CNTNAP4: variants seen among roughly 807,000 people sequenced by gnomAD.
The protein encoded by CNTNAP4 is contactin-associated protein-like 4.
Under a neutral mutation model 148.4 loss-of-function variants are expected in CNTNAP4, and 98 were observed. The ratio of observed to expected loss-of-function variants is 0.66; its 90% CI spans 0.56 to 0.78. CNTNAP4 has a LOEUF of 0.78. CNTNAP4 is among the 30% of genes least tolerant of loss of function. The probability of loss-of-function intolerance (pLI) is 0.00; values close to 1 mark genes in which losing one functional copy is unlikely to be tolerated. For synonymous variants in CNTNAP4, 730 were observed against 565.1 expected (o/e 1.29, Z -4.14); for missense variants, 1,935 against 1,565.6 (o/e 1.24, Z -3.98).
At chr16:76,454,336 G>A (rs1320291444) in intron 8 of CNTNAP4, among the ~76,000 whole-genome samples, 1 of 151,988 alleles carries the variant, frequency 6.6e-6, no homozygotes, top group Admixed American at 6.6e-5. Flanking sequence ...GCTGAAGCCA[G>A]TCCATTTCTA....
chr16:76,367,448 A>AT (rs2014277924), intron 3 of CNTNAP4, among the ~76,000 whole-genome samples: 1 of 152,190 alleles, frequency 6.6e-6, no homozygotes, highest in African/African-American at 2.4e-5. Flanking sequence ...GGCTGCATAA[A>AT]AATATAACAT....
intron 4 of CNTNAP4, among the ~76,000 whole-genome samples, chr16:76,438,006 GA>G (rs1458464514): frequency 6.6e-6 from 1 of 152,094 alleles, no homozygotes; most frequent in Non-Finnish European, 1.5e-5. Flanking sequence ...TTAATAAAAT[GA>G]AAGAAACTGG....
intron 3 of CNTNAP4, among the ~76,000 whole-genome samples, chr16:76,424,301 A>C (rs1280392333): frequency 1.3e-5 from 2 of 152,136 alleles, no homozygotes; most frequent in Non-Finnish European, 2.9e-5. Flanking sequence ...TTTGGAGGGT[A>C]ATTTAATTAA....
At chr16:76,460,773 A>AAAAAAAAAAAAAAT in intron 8 of CNTNAP4, among the ~76,000 whole-genome samples, 2 of 57,328 alleles carry the variant, frequency 3.5e-5, no homozygotes, top group African/African-American at 6.4e-5. Context: ...AAAAAAAAAA[A>AAAAAAAAAAAAAAT]ATATATATAT....
intron 2 of CNTNAP4, among the ~76,000 whole-genome samples, chr16:76,337,758 A>C (rs1964141535): frequency 6.6e-6 from 1 of 152,300 alleles, no homozygotes; most frequent in African/African-American, 2.4e-5. Context: ...AGACACTCCC[A>C]GAGCAGCCGT....
In CNTNAP4 at chr16:76,534,445, T is replaced by C. The variant is rs77831427; in HGVS notation, c.2756-1100T>C. On this transcript the variant is annotated intron_variant, in intron 17 of 23. Transcript: ENST00000611870. Reference sequence around the variant, plus strand: ...TCATTTATCCAAAGATGGAGCTTCTTTTTAGAGGCCTCATAACCATCTAAT... The same window carrying C: ...TCATTTATCCAAAGATGGAGCTTCTCTTTAGAGGCCTCATAACCATCTAAT... Among the ~76,000 whole-genome samples, 23 of 152,298 alleles carry C rather than the reference T, an allele frequency of 1.5e-4. No individual in the cohort carries two copies. The East Asian group carries it at 3.3e-3, about 22-fold the overall frequency.
At chr16:76,394,517 C>G (rs2078131777) in intron 3 of CNTNAP4, among the ~76,000 whole-genome samples, 1 of 152,096 alleles carries the variant, frequency 6.6e-6, no homozygotes, top group Non-Finnish European at 1.5e-5. Context: ...AAAATAATTT[C>G]CTAATTTTCA....
In CNTNAP4 at chr16:76,467,539, C is replaced by A; in HGVS notation, c.1655+16C>A. 1 of 1,572,492 alleles carries A rather than the reference C, an allele frequency of 6.4e-7. No homozygotes were observed. The highest frequency in any genetic ancestry group is 8.6e-7 in the Non-Finnish European group (1 of 1,161,596). ...TCTCAGACAGGTAAGGGCAATCTCACTTCATTTTGACCTGCTTTCAAACTT... is the reference window on the plus strand; with the variant it reads ...TCTCAGACAGGTAAGGGCAATCTCAATTCATTTTGACCTGCTTTCAAACTT... On this transcript the variant is annotated intron_variant, in intron 10 of 23. Coordinates refer to ENST00000611870, the MANE Select transcript of CNTNAP4 (RefSeq NM_033401.5).
chr16:76,471,763 G>T (rs76985861), intron 10 of CNTNAP4, among the ~76,000 whole-genome samples: 1 of 152,134 alleles, frequency 6.6e-6, no homozygotes, highest in Non-Finnish European at 1.5e-5. Flanking sequence ...AATACTGAAG[G>T]CATGGCCCTT....
At chr16:76,480,374 G>A (rs1352919755) in intron 12 of CNTNAP4, among the ~76,000 whole-genome samples, 2 of 152,134 alleles carry the variant, frequency 1.3e-5, no homozygotes, top group African/African-American at 4.8e-5. Flanking sequence ...ACACATGGTA[G>A]TAAATGTAAT....
At chr16:76,438,203 G>A (rs1034528194) in intron 4 of CNTNAP4, among the ~76,000 whole-genome samples, 1 of 152,068 alleles carries the variant, frequency 6.6e-6, no homozygotes, top group African/African-American at 2.4e-5. Flanking sequence ...AGAGAGCAAG[G>A]GTCCGTGCTC....
chr16:76,538,753 GA>G (rs918445292), intron 19 of CNTNAP4, among the ~76,000 whole-genome samples: 4 of 151,920 alleles, frequency 2.6e-5, no homozygotes, highest in Non-Finnish European at 4.4e-5. Context: ...CCAGCATTTT[GA>G]GTAAGAATAT....
At chr16:76,397,992 A>C (rs1158832947) in intron 3 of CNTNAP4, among the ~76,000 whole-genome samples, 5 of 82,200 alleles carry the variant, frequency 6.1e-5, no homozygotes, top group Admixed American at 1.4e-4. Context: ...ATATATATAT[A>C]TATATATATG....
At chr16:76,438,355 G>T (rs563662566) in intron 4 of CNTNAP4, among the ~76,000 whole-genome samples, 12 of 152,100 alleles carry the variant, frequency 7.9e-5, no homozygotes, top group Non-Finnish European at 1.6e-4. Context: ...GCTGGAAGGG[G>T]ACCACCTTTG....
intron 17 of CNTNAP4, among the ~76,000 whole-genome samples, chr16:76,533,904 G>T (rs992989305): frequency 6.6e-6 from 1 of 152,066 alleles, no homozygotes; most frequent in Non-Finnish European, 1.5e-5. Context: ...GTATGTAAAT[G>T]GAAACATTTT....
At chr16:76,532,020 C>T (rs4393596) in intron 17 of CNTNAP4, among the ~76,000 whole-genome samples, 132,299 of 152,182 alleles carry the variant, frequency 0.87, 58,834 homozygotes, top group East Asian at 1. Flanking sequence ...ACACTCTGAC[C>T]TTCTTCTTTA....
At chr16:76,475,119 G>T (rs1254192087) in intron 10 of CNTNAP4, among the ~76,000 whole-genome samples, 1 of 151,998 alleles carries the variant, frequency 6.6e-6, no homozygotes. Flanking sequence ...GGAGGTTGCA[G>T]TGAGCTGAGA....
intron 11 of CNTNAP4, among the ~76,000 whole-genome samples, chr16:76,477,805 A>T (rs2081646667): frequency 6.6e-6 from 1 of 152,076 alleles, no homozygotes; most frequent in Admixed American, 6.6e-5. Flanking sequence ...AAAGCTATTC[A>T]GTGTTTTCAT....
chr16:76,558,245 A>T (rs1480383107), intron 23 of CNTNAP4: 1 of 380,200 alleles, frequency 2.6e-6, no homozygotes, highest in Non-Finnish European at 4.7e-6. Context: ...CACCAAGTAA[A>T]TCCGATATAA....
Sources: allele counts gnomAD v4.1 joint callset (sites outside exome capture counted in the v4.1 genomes callset), GRCh38; gene constraint gnomAD v4.1.1; transcripts MANE v1.5; gene names NCBI Gene and HGNC (gene_info 2026-07-23, HGNC 2026-07-21).